UBR4: variants seen among roughly 807,000 people sequenced by gnomAD.
UBR4 encodes the protein E3 ubiquitin-protein ligase UBR4.
Under a neutral mutation model 575.6 loss-of-function variants are expected in UBR4, and 124 were observed. That is an observed-to-expected ratio of 0.22 (90% CI 0.19 to 0.25). UBR4 has a LOEUF of 0.25. Ranked by LOEUF, UBR4 falls within the 10% of genes least tolerant of loss-of-function variation. The pLI, the probability that UBR4 is intolerant of heterozygous loss-of-function variation, is 1.00. For synonymous variants in UBR4, 2,455 were observed against 2,473.7 expected (o/e 0.99, Z 0.22); for missense variants, 4,818 against 6,478.8 (o/e 0.74, Z 8.80).
Position 19,167,341 on chromosome 1 carries a change from C to A in UBR4, c.3900-110G>T, listed in dbSNP as rs1234828720. On this transcript the variant is annotated intron_variant, in intron 28 of 105. Coordinates refer to ENST00000375254, the MANE Select transcript of UBR4 (RefSeq NM_020765.3). ...CCGGGGAAGAGGGGAAGGGGAATTG[C>A]GCAAGGGCCTTTATTCCAGTCTTTT... is the stretch of plus-strand genomic sequence containing the variant. 3.6e-6 allele frequency: 4 copies of A among 1,097,232 alleles called. No individual in the cohort carries two copies. The Admixed American group carries it at 6.0e-5, about 16-fold the overall frequency. 68.0% of individuals were successfully genotyped at this position (1,097,232 alleles called of 1,614,324 possible).
chr1:19,139,971 C>T lies in UBR4; in HGVS notation c.8594-751G>A, dbSNP rs533756973. On this transcript the variant is annotated intron_variant, in intron 58 of 105. Transcript: ENST00000375254. This position sits in a 1 kb window ranked among gnomAD's most constrained non-coding sequence, Gnocchi z 4.2. ...CAGCGGGAACACGACTGGCACAACA[C>T]AACAGCAACCTCAGAGCCTGAAATG... Among the ~76,000 whole-genome samples, 1 of 152,266 alleles carries T rather than the reference C, an allele frequency of 6.6e-6. No individual in the cohort carries two copies. Among genetic ancestry groups the T allele is most frequent in the East Asian group, 1.9e-4 (1 of 5,192 alleles).
intron 65 of UBR4, among the ~76,000 whole-genome samples, chr1:19,123,977 G>C (rs2081451732): frequency 6.6e-6 from 1 of 152,180 alleles, no homozygotes; most frequent in South Asian, 2.1e-4. Context: ...GAGGGACACT[G>C]GCAGCAGGAG....
intron 103 of UBR4, 111 bp from the exon 104 acceptor site, chr1:19,078,177 G>A (rs1397441396): frequency 1.4e-5 from 16 of 1,104,924 alleles, no homozygotes; most frequent in East Asian, 2.6e-5. Context: ...TATGCATCTC[G>A]GAGTTCCAGC....
At chr1:19,124,364 A>T (rs1268284730) in intron 65 of UBR4, 177 bp downstream of exon 65, 3 of 765,154 alleles carry the variant, frequency 3.9e-6, no homozygotes, top group African/African-American at 3.5e-5. Context: ...TTTGATACAC[A>T]TCTCCCACAG....
At chr1:19,081,259 C>T in intron 103 of UBR4, 90 bp downstream of exon 103, 1 of 1,157,904 alleles carries the variant, frequency 8.6e-7, no homozygotes, top group East Asian at 2.4e-5. Context: ...ACAAAGCATG[C>T]CTTCACCTAG....
chr1:19,169,556 G>C (rs746482203), intron 26 of UBR4, 24 bp from the exon 27 acceptor site: 10 of 1,600,826 alleles, frequency 6.2e-6, no homozygotes, highest in Non-Finnish European at 8.5e-6. Flanking sequence ...AAAGGACAAG[G>C]AATCATCACA....
chr1:19,184,163 C>G lies in UBR4; in HGVS notation c.1951G>C (p.Ala651Pro). ...GTGATGAAGTTCAAAATGTTGGAAG[C>G]CAGACCTAAGAACTGAAAGGAACAC... ...RKDPELFLGLASNILNFITSS... is the reference protein window; with the variant it reads ...RKDPELFLGLPSNILNFITSS... Residue 651 changes from alanine (A) to proline (P), a missense_variant, in exon 16 of 106, where the codon GCT becomes CCT. Physicochemically the swap from Ala to Pro is conservative, Grantham distance 27. Coordinates refer to ENST00000375254, the MANE Select transcript of UBR4 (RefSeq NM_020765.3). The G allele has an allele frequency of 6.2e-7, 1 of 1,613,980 alleles. No homozygotes were observed. Among genetic ancestry groups the G allele is most frequent in the East Asian group, 2.2e-5 (1 of 44,872 alleles).
intron 103 of UBR4, 79 bp from the exon 104 acceptor site, chr1:19,078,145 C>A: frequency 1.4e-6 from 2 of 1,449,222 alleles, no homozygotes; most frequent in Non-Finnish European, 9.5e-7. Context: ...ATGCTGGGAG[C>A]AAGGGAAGAG....
chr1:19,089,428 C>T lies in UBR4; in HGVS notation c.14212-451G>A, dbSNP rs189847850. Among the ~76,000 whole-genome samples the T allele has an allele frequency of 2.6e-5, 4 of 152,288 alleles. No homozygotes were observed. The East Asian group carries it at 7.7e-4, about 29-fold the overall frequency. On this transcript the variant is annotated intron_variant, in intron 97 of 105. Transcript: ENST00000375254. The surrounding 1 kb of genome is among the most constrained non-coding windows in gnomAD (Gnocchi z 4.3). ...TGCCCTGAGTTCTCCACGGGAGCCCCTGGGTCCACCAAACCTAGGAGCACA... is the reference window on the plus strand; with the variant it reads ...TGCCCTGAGTTCTCCACGGGAGCCCTTGGGTCCACCAAACCTAGGAGCACA...
At chr1:19,137,921 C>G in intron 60 of UBR4, 86 bp downstream of exon 60, 1 of 1,307,924 alleles carries the variant, frequency 7.6e-7, no homozygotes, top group South Asian at 2.5e-5. Flanking sequence ...TATCACTACT[C>G]TACCTCCTGC....
rs2081340663 is a variant in UBR4, at chr1:19,123,041, G to C, written c.9608C>G (p.Thr3203Ser). ...GCGGACTTGACGGCGCACAAATGGA[G>C]TCTGCTGGATCATGAGGTACTTGAG... ...FLSEYLMIQQ[T>S]PFVRRQVRKL... is the part of the protein sequence containing the mutation. Residue 3203 changes from threonine to serine, a missense_variant, in exon 66 of 106, where the codon ACT becomes AGT. Around this residue, in one of 29 missense-constraint regions of UBR4, gnomAD observed 550 missense variants for 791.5 expected, o/e 0.69. Coordinates refer to ENST00000375254, the MANE Select transcript of UBR4 (RefSeq NM_020765.3). 1 of 1,614,090 alleles carries C rather than the reference G, an allele frequency of 6.2e-7. No homozygotes were observed. The highest frequency in any genetic ancestry group is 1.3e-5 in the African/African-American group (1 of 74,932).
At chr1:19,127,791 C>G (rs1326773767) in intron 62 of UBR4, 52 bp from the exon 63 acceptor site, 4 of 1,444,150 alleles carry the variant, frequency 2.8e-6, no homozygotes, top group Non-Finnish European at 3.9e-6. Context: ...ATGCTTGAGG[C>G]ATCCTCTGAA....
intron 52 of UBR4, 58 bp downstream of exon 52, chr1:19,146,768 A>C (rs2084931438): frequency 5.8e-6 from 9 of 1,554,710 alleles, no homozygotes; most frequent in African/African-American, 1.4e-5. Flanking sequence ...TAAGAATGAG[A>C]GGGTAAATAG....
In UBR4 at chr1:19,106,684, C is replaced by G; in HGVS notation, c.12278G>C (p.Arg4093Pro). 6.2e-7 allele frequency: 1 copy of G among 1,608,336 alleles called. No homozygotes were observed. Among genetic ancestry groups the G allele is most frequent in the Non-Finnish European group, 8.5e-7 (1 of 1,176,854 alleles). ...ATACTTCTCAGTCAAATAGAGATGG[C>G]GGAGCTCTGATTTGCTGGGGGCTTT... ...NGKAPSKSELRHLYLTEKYVW... is the reference protein window; with the variant it reads ...NGKAPSKSELPHLYLTEKYVW... Residue 4093 changes from arginine to proline, a missense_variant, in exon 83 of 106, where the codon CGC (arginine) becomes CCC (proline). Physicochemically the swap from Arg to Pro is moderately radical, Grantham distance 103. Transcript: ENST00000375254.
In UBR4 at chr1:19,135,274, G is replaced by C. The variant is rs563958255; in HGVS notation, c.8906+2733C>G. Reference sequence around the variant, plus strand: ...TCCAGCCCATTCCACTAATCTATTTGTCTATCTTCATACCATTATCACACT... The same window carrying C: ...TCCAGCCCATTCCACTAATCTATTTCTCTATCTTCATACCATTATCACACT... On this transcript the variant is annotated intron_variant, in intron 60 of 105. Coordinates refer to ENST00000375254, the MANE Select transcript of UBR4 (RefSeq NM_020765.3). Among the ~76,000 whole-genome samples the C allele has an allele frequency of 4.6e-5, 7 of 152,214 alleles. No individual in the cohort carries two copies. In the South Asian group the frequency reaches 1.5e-3, roughly 32 times the overall value.
chr1:19,143,943 A>C (rs1196025827), intron 55 of UBR4, 37 bp downstream of exon 55: 1 of 1,596,786 alleles, frequency 6.3e-7, no homozygotes, highest in East Asian at 2.2e-5. Flanking sequence ...CCTCCTCCCA[A>C]ATACAGGCTT....
Position 19,147,981 on chromosome 1 carries a change from G to T in UBR4, c.7629+12C>A. 1 of 1,609,196 alleles carries T rather than the reference G, an allele frequency of 6.2e-7. No homozygotes were observed. ...CAGCACTGCAATTTCCTTTCCCTGAGAGAACAGTTACCTTGTGGCTGTGGT... is the reference window on the plus strand; with the variant it reads ...CAGCACTGCAATTTCCTTTCCCTGATAGAACAGTTACCTTGTGGCTGTGGT... On this transcript the variant is annotated intron_variant, in intron 51 of 105. Coordinates refer to ENST00000375254, the MANE Select transcript of UBR4 (RefSeq NM_020765.3).
intron 105 of UBR4, 24 bp downstream of exon 105, chr1:19,076,716 A>C (rs2075979965): frequency 6.2e-7 from 1 of 1,613,958 alleles, no homozygotes; most frequent in African/African-American, 1.3e-5. Context: ...GAGGATCTTT[A>C]AAAGAGAAAA....
intron 90 of UBR4, among the ~76,000 whole-genome samples, chr1:19,098,717 A>G (rs1034815634): frequency 6.6e-6 from 1 of 152,224 alleles, no homozygotes; most frequent in Non-Finnish European, 1.5e-5. Context: ...AAGAAAGGAG[A>G]GAGGCGGAAA....
Sources: gnomAD v4.1 joint callset for allele counts (sites outside exome capture counted in the v4.1 genomes callset) on GRCh38, gnomAD v4.1.1 for gene constraint, gnomAD v4.1.1 regional missense constraint, Gnocchi (gnomAD v3.1) non-coding constraint, MANE v1.5 for transcripts, NCBI Gene and HGNC (gene_info 2026-07-23, HGNC 2026-07-21) for gene names.